DUSP18: variants seen among roughly 807,000 people sequenced by gnomAD.
DUSP18 encodes the protein dual specificity phosphatase 18.
A neutral mutation model predicts 6.3 loss-of-function variants in DUSP18; 4 were observed. The observed-to-expected ratio is 0.63, with a 90% confidence interval of 0.31 to 1.45. The LOEUF (loss-of-function observed/expected upper bound fraction) is 1.45. DUSP18 is among the 40% of genes most tolerant of loss of function. The pLI is 0.07. For missense variants in DUSP18, 235 were observed against 247.7 expected (o/e 0.95, Z 0.34); for synonymous variants, 96 against 95.1 (o/e 1.01, Z -0.05).
At chr22:30,656,622 G>A (rs535044478), downstream of DUSP18, among the ~76,000 whole-genome samples, 4 of 152,288 alleles carry the variant, frequency 2.6e-5, no homozygotes, top group East Asian at 7.7e-4. Context: ...CTATAGGACT[G>A]CATTCAAACC....
chr22:30,658,970 G>A (rs892286441), downstream of DUSP18, among the ~76,000 whole-genome samples: 4 of 151,864 alleles, frequency 2.6e-5, no homozygotes, highest in Middle Eastern at 6.8e-3. Context: ...TGGCGAAACC[G>A]CATCTCTACT....
In DUSP18 at chr22:30,662,132, T is replaced by C. The variant is rs181287363; in HGVS notation, c.*1305A>G. The C allele has an allele frequency of 1.3e-5, 2 of 151,606 alleles. No homozygotes were observed. The highest frequency in any genetic ancestry group is 2.0e-4 in the East Asian group (1 of 5,124). The allele number at this position is 151,606 out of a possible 1,614,324, so 9.4% of individuals were successfully genotyped here. On this transcript the variant is annotated 3_prime_UTR_variant, in exon 2 of 2. Coordinates refer to ENST00000334679, the MANE Select transcript of DUSP18 (RefSeq NM_152511.5). The stretch of plus-strand genomic sequence containing the variant: ...GAAAGGAGAAATGCCATTATGGGGA[T>C]GTGTGTGCCGACCTGGGACCAGCAG...
At chr22:30,659,376 T>A (rs1434593922), downstream of DUSP18, among the ~76,000 whole-genome samples, 1 of 152,154 alleles carries the variant, frequency 6.6e-6, no homozygotes, top group African/African-American at 2.4e-5. Context: ...GACTCTTTTT[T>A]TCTCTCTTTT....
chr22:30,659,327 G>C (rs1001432506), downstream of DUSP18, among the ~76,000 whole-genome samples: 3 of 152,008 alleles, frequency 2.0e-5, no homozygotes, highest in East Asian at 3.9e-4. Flanking sequence ...GGAAAGTCTG[G>C]ACCCTGAGAT....
intron 2 of DUSP18, chr22:30,654,588 G>C: frequency 2.2e-6 from 1 of 460,922 alleles, no homozygotes; most frequent in Non-Finnish European, 4.3e-6. Context: ...CTGGGGACCC[G>C]GAAGTGGTGG....
chr22:30,654,588 G>A (rs923969603), intron 2 of DUSP18: 5 of 460,804 alleles, frequency 1.1e-5, no homozygotes, highest in Admixed American at 2.4e-5. Context: ...CTGGGGACCC[G>A]GAAGTGGTGG....
At position 30,661,740 on chromosome 22, in the gene DUSP18, G is replaced by T. The variant is rs1468483021; in HGVS notation, c.*1697C>A. 2.0e-5 allele frequency: 3 copies of T among 152,204 alleles called. No individual in the cohort carries two copies. The East Asian group carries it at 5.8e-4, about 29-fold the overall frequency. 9.4% of individuals were successfully genotyped at this position (152,204 alleles called of 1,614,324 possible). A position where few individuals can be genotyped will look rare whatever the true frequency, so the allele number is the denominator to read the frequency against. ...AGAGCTGGTCTTCAGCCAGGTCCTT[G>T]GCACCAAGAGGATGTGAACAATCCT... On this transcript the variant is annotated 3_prime_UTR_variant, in exon 2 of 2. Coordinates refer to ENST00000334679, the MANE Select transcript of DUSP18 (RefSeq NM_152511.5).
downstream of DUSP18, among the ~76,000 whole-genome samples, chr22:30,658,994 G>A (rs2088402946): frequency 6.6e-6 from 1 of 151,886 alleles, no homozygotes; most frequent in Non-Finnish European, 1.5e-5. Context: ...CATGGTGGCG[G>A]GTCCCTGTAG....
At chr22:30,657,327 C>A (rs528483451), downstream of DUSP18, among the ~76,000 whole-genome samples, 1 of 151,138 alleles carries the variant, frequency 6.6e-6, no homozygotes, top group African/African-American at 2.4e-5. Flanking sequence ...GGCGTGGGGG[C>A]GGGCACCTGT....
At position 30,661,690 on chromosome 22, in the gene DUSP18, G is replaced by A. The variant is rs1240866344; in HGVS notation, c.*1747C>T. ...CAGCTGTGCTTTTGTTTCAAATGCTGTTTGCTGAAAACCTCTGGATCAGAA... is the reference window on the plus strand; with the variant it reads ...CAGCTGTGCTTTTGTTTCAAATGCTATTTGCTGAAAACCTCTGGATCAGAA... On this transcript the variant is annotated 3_prime_UTR_variant, in exon 2 of 2. Transcript: ENST00000334679. 6.6e-6 allele frequency: 1 copy of A among 152,194 alleles called. No individual in the cohort carries two copies. The highest frequency in any genetic ancestry group is 1.5e-5 in the Non-Finnish European group (1 of 68,030). 9.4% of individuals were successfully genotyped at this position (152,194 alleles called of 1,614,324 possible). A position where few individuals can be genotyped will look rare whatever the true frequency, so the allele number is the denominator to read the frequency against.
intron 1 of DUSP18, chr22:30,667,112 T>C (rs1486784021): frequency 1.3e-5 from 2 of 152,202 alleles, no homozygotes; most frequent in African/African-American, 2.4e-5. Context: ...CTATGAAGTA[T>C]TTGGCTTCCC....
At chr22:30,664,286 G>A (rs1227265917) in intron 1 of DUSP18, among the ~76,000 whole-genome samples, 1 of 152,186 alleles carries the variant, frequency 6.6e-6, no homozygotes, top group African/African-American at 2.4e-5. Context: ...TGAAGAGCAT[G>A]AATCTGCATT....
In DUSP18 at chr22:30,661,485, G is replaced by T. The variant is rs1459656233; in HGVS notation, c.*1952C>A. Reference sequence around the variant, plus strand: ...CTTTTTGAGATGGAGTCTCACTCTTGTTGCCCAGGCTGGAGTGCAATGGTG... The same window carrying T: ...CTTTTTGAGATGGAGTCTCACTCTTTTTGCCCAGGCTGGAGTGCAATGGTG... On this transcript the variant is annotated 3_prime_UTR_variant, in exon 2 of 2. Coordinates refer to ENST00000334679, the MANE Select transcript of DUSP18 (RefSeq NM_152511.5). 5 of 120,074 alleles carry T rather than the reference G, an allele frequency of 4.2e-5. No homozygotes were observed. The East Asian group carries it at 9.6e-4, about 23-fold the overall frequency. 7.4% of individuals were successfully genotyped at this position (120,074 alleles called of 1,614,324 possible). A position where few individuals can be genotyped will look rare whatever the true frequency, so the allele number is the denominator to read the frequency against.
intron 1 of DUSP18, among the ~76,000 whole-genome samples, chr22:30,664,466 G>A (rs1321549744): frequency 6.6e-6 from 1 of 152,196 alleles, no homozygotes; most frequent in Non-Finnish European, 1.5e-5. Context: ...AGCTCACAGA[G>A]CCCTTTTCTT....
intron 1 of DUSP18, among the ~76,000 whole-genome samples, chr22:30,666,356 T>G (rs1249198964): frequency 1.3e-5 from 2 of 152,084 alleles, no homozygotes; most frequent in Non-Finnish European, 2.9e-5. Flanking sequence ...CACGGTGGCT[T>G]AAGCCTATAA....
downstream of DUSP18, among the ~76,000 whole-genome samples, chr22:30,658,254 C>T (rs923714317): frequency 6.6e-6 from 1 of 151,434 alleles, no homozygotes; most frequent in African/African-American, 2.4e-5. Context: ...GAAATATTAA[C>T]AAGGCTGGGT....
intron 2 of DUSP18, among the ~76,000 whole-genome samples, chr22:30,656,180 T>C (rs1447921978): frequency 3.3e-5 from 5 of 151,952 alleles, no homozygotes; most frequent in Non-Finnish European, 5.9e-5. Context: ...TCTCACTATG[T>C]TGCCCAGGCT....
At position 30,664,063 on chromosome 22, in the gene DUSP18, G is replaced by A; in HGVS notation, c.-60C>T. 2 of 1,484,936 alleles carry A rather than the reference G, an allele frequency of 1.3e-6. No individual in the cohort carries two copies. The highest frequency in any genetic ancestry group is 1.8e-6 in the Non-Finnish European group (2 of 1,092,770). The allele number at this position is 1,484,936 out of a possible 1,614,324, so 92.0% of individuals were successfully genotyped here. A position where few individuals can be genotyped will look rare whatever the true frequency, so the allele number is the denominator to read the frequency against. On this transcript the variant is annotated 5_prime_UTR_variant, in exon 2 of 2. Transcript: ENST00000334679. ...GCACGAAGGCTGCGTCTTTCTGCTA[G>A]GCTGTGTCCATGGAAAACTGCAGAG...
At chr22:30,665,380 A>C (rs573139921) in intron 1 of DUSP18, 1 of 327,968 alleles carries the variant, frequency 3.0e-6, no homozygotes, top group East Asian at 8.5e-5. Flanking sequence ...CATGCTCTGA[A>C]GGGCCTCAGG....
Sources: gnomAD v4.1 joint callset for allele counts (sites outside exome capture counted in the v4.1 genomes callset) on GRCh38, gnomAD v4.1.1 for gene constraint, MANE v1.5 for transcripts, NCBI Gene and HGNC (gene_info 2026-07-23, HGNC 2026-07-21) for gene names.